Variants in POLDIP3 observed in about 807,000 individuals in gnomAD.
The protein encoded by POLDIP3 is polymerase delta-interacting protein 3.
In POLDIP3, 14 loss-of-function variants were observed where a neutral mutation model predicts 45.1. That is an observed-to-expected ratio of 0.31 (90% confidence interval 0.20 to 0.49). The LOEUF (loss-of-function observed/expected upper bound fraction) is 0.49, where lower values mean the gene tolerates loss of function less well. POLDIP3 is among the 20% of genes least tolerant of loss of function. The pLI is 0.99. For missense variants in POLDIP3, 511 were observed against 538.8 expected, an observed-to-expected ratio of 0.95 and a Z score of 0.51; for synonymous variants, 223 against 205.2, an observed-to-expected ratio of 1.09 and a Z score of -0.74.
chr22:42,590,707 G>A (rs1449266918), intron 7 of POLDIP3, among the ~76,000 whole-genome samples: 2 of 152,246 alleles, frequency 1.3e-5, no homozygotes, highest in East Asian at 1.9e-4. Flanking sequence ...TCTGATAAGG[G>A]ACTTAAGAAT....
chr22:42,598,743 A>C (rs989143653), intron 4 of POLDIP3, among the ~76,000 whole-genome samples: 1 of 152,154 alleles, frequency 6.6e-6, no homozygotes, highest in Admixed American at 6.5e-5. Context: ...AGTAACCAAA[A>C]CTGAGTCTTT....
chr22:42,596,421 A>C, intron 4 of POLDIP3, 56 bp from the exon 5 acceptor site: 1 of 1,531,970 alleles, frequency 6.5e-7, no homozygotes. Flanking sequence ...GTTCTGAAGA[A>C]GCCCCAAGAG....
chr22:42,614,725 G>T, intron 1 of POLDIP3, 74 bp downstream of exon 1: 1 of 1,534,996 alleles, frequency 6.5e-7, no homozygotes, highest in Non-Finnish European at 9.0e-7. Flanking sequence ...GTCGCTCCCG[G>T]ATCGCTACCT....
In POLDIP3 at chr22:42,609,675, C is replaced by T. The variant is rs148709843; in HGVS notation, c.59+5124G>A. On this transcript the variant is annotated intron_variant, in intron 1 of 8. Transcript: ENST00000252115. ...GGCAGAGGTTGCCATGAGCCAAGAT[C>T]GCACCACTGCACTCCAGCCTGGGTG... Among the ~76,000 whole-genome samples the T allele has an allele frequency of 2.6e-4, 39 of 152,176 alleles. No individual in the cohort carries two copies. In the East Asian group the frequency reaches 3.3e-3, roughly 13 times the overall value.
chr22:42,589,241 TCA>T (rs1925515734), intron 7 of POLDIP3, among the ~76,000 whole-genome samples: 1 of 119,344 alleles, frequency 8.4e-6, no homozygotes, highest in Non-Finnish European at 1.7e-5. Context: ...AGACTCCGTC[TCA>T]AAAAAAAAAA....
intron 3 of POLDIP3, 34 bp from the exon 4 acceptor site, chr22:42,599,827 GTGGCA>G: frequency 1.3e-6 from 2 of 1,489,862 alleles, no homozygotes; most frequent in Non-Finnish European, 1.9e-6. Context: ...ATAAGCAAAT[GTGGCA>G]TCTGGGCCCT....
Position 42,602,397 on chromosome 22 carries a change from G to A in POLDIP3, c.451-341C>T, listed in dbSNP as rs540408402. ...AGGGTGGCCAGGGCCTTGGACTAGG[G>A]GCCAAATCCCACTGGGCCTGGGGGT... On this transcript the variant is annotated intron_variant, in intron 2 of 8. Transcript: ENST00000252115. Among the ~76,000 whole-genome samples, 7 of 152,316 alleles carry A rather than the reference G, an allele frequency of 4.6e-5. No homozygotes were observed. In the East Asian group the frequency reaches 1.4e-3, roughly 29 times the overall value.
At chr22:42,589,242 CAA>C (rs548287361) in intron 7 of POLDIP3, among the ~76,000 whole-genome samples, 4 of 64,644 alleles carry the variant, frequency 6.2e-5, no homozygotes, top group African/African-American at 6.4e-5. Context: ...GACTCCGTCT[CAA>C]AAAAAAAAAA....
chr22:42,593,356 G>A (rs1054847738), intron 6 of POLDIP3, among the ~76,000 whole-genome samples: 17 of 152,126 alleles, frequency 1.1e-4, no homozygotes, highest in Non-Finnish European at 2.4e-4. Flanking sequence ...TATTTGGGTA[G>A]AAGAGAAGCG....
intron 1 of POLDIP3, among the ~76,000 whole-genome samples, chr22:42,607,842 G>A (rs144064169): frequency 0.011 from 1,567 of 145,642 alleles, 12 homozygotes; most frequent in Non-Finnish European, 0.017. Flanking sequence ...CGGCCACCCC[G>A]TCTGGGAAGT....
rs139233981 is a variant in POLDIP3 at position 42,603,051 on chromosome 22, G to A, written c.169C>T (p.Arg57Trp). ...TATFQQRFDA[R>W]QKIGLSDARL... ...GCATCTGAGAGGCCAATCTTCTGCC[G>A]GGCATCAAATCTCTGCTGGAAGGTG... The change falls in exon 2 of 9, where the codon CGG becomes TGG. Residue 57 changes from arginine to tryptophan, a missense_variant. Transcript: ENST00000252115. The A allele has an allele frequency of 4.3e-6, 7 of 1,614,136 alleles. No homozygotes were observed. The highest frequency in any genetic ancestry group is 2.2e-5 in the East Asian group (1 of 44,886).
At chr22:42,596,134 A>G in intron 5 of POLDIP3, 52 bp downstream of exon 5, 2 of 1,571,782 alleles carry the variant, frequency 1.3e-6, no homozygotes, top group Non-Finnish European at 1.7e-6. Flanking sequence ...AGGTACATAT[A>G]AGCATACAGC....
At chr22:42,599,250 T>C (rs1207319840) in intron 4 of POLDIP3, among the ~76,000 whole-genome samples, 2 of 152,194 alleles carry the variant, frequency 1.3e-5, no homozygotes, top group Non-Finnish European at 2.9e-5. Context: ...ACTAAGGGAA[T>C]GGACTAGTTC....
intron 4 of POLDIP3, 66 bp downstream of exon 4, chr22:42,599,632 A>G (rs566195716): frequency 2.5e-6 from 3 of 1,218,150 alleles, no homozygotes; most frequent in East Asian, 4.7e-5. Flanking sequence ...AACAGGTTCT[A>G]TTCAACACGA....
At chr22:42,591,888 G>A (rs1413061988) in intron 7 of POLDIP3, 67 bp downstream of exon 7, 8 of 1,599,126 alleles carry the variant, frequency 5.0e-6, no homozygotes, top group Non-Finnish European at 6.0e-6. Context: ...TCCCCTGGAA[G>A]GCCTGCTACC....
At chr22:42,608,253 A>ACC (rs200089986) in intron 1 of POLDIP3, among the ~76,000 whole-genome samples, 1,022 of 101,420 alleles carry the variant, frequency 0.01, 26 homozygotes, top group African/African-American at 0.039. Context: ...CTATAACCTT[A>ACC]CCCCCCCCCC....
At position 42,584,234 on chromosome 22, in the gene POLDIP3, G is replaced by A. The variant is rs562483700; in HGVS notation, c.*1557C>T. On this transcript the variant is annotated 3_prime_UTR_variant, in exon 9 of 9. Coordinates refer to ENST00000252115, the MANE Select transcript of POLDIP3 (RefSeq NM_032311.5). ...CGAGAAGTCTGCACCCACTTGAAAG[G>A]GTTAGGAGAATAAAAAGCAGCATTC... The A allele has an allele frequency of 6.5e-6, 1 of 153,678 alleles. No individual in the cohort carries two copies. Among genetic ancestry groups the A allele is most frequent in the South Asian group, 2.1e-4 (1 of 4,870 alleles). The allele number at this position is 153,678 out of a possible 1,614,324, so 9.5% of individuals were successfully genotyped here.
chr22:42,587,837 G>C (rs1925410473), intron 7 of POLDIP3, among the ~76,000 whole-genome samples: 1 of 152,166 alleles, frequency 6.6e-6, no homozygotes, highest in African/African-American at 2.4e-5. Flanking sequence ...TGGGAAGTGA[G>C]GGAGAAACGA....
chr22:42,595,451 G>T, intron 6 of POLDIP3, 86 bp downstream of exon 6: 1 of 1,196,658 alleles, frequency 8.4e-7, no homozygotes. Context: ...AGTCCTAGCA[G>T]TCATCAAACC....
Sources: allele counts gnomAD v4.1 joint callset (sites outside exome capture counted in the v4.1 genomes callset), GRCh38; gene constraint gnomAD v4.1.1; transcripts MANE v1.5; gene names NCBI Gene and HGNC (gene_info 2026-07-23, HGNC 2026-07-21).